Variants in PDCD4 observed in about 807,000 individuals in gnomAD.
PDCD4 encodes programmed cell death 4.
PDCD4 carries 56 observed loss-of-function variants against 54.0 expected under a neutral mutation model. That is an observed-to-expected ratio of 1.04 (90% CI 0.84 to 1.30). PDCD4 has a LOEUF of 1.30. Among genes scored for constraint, PDCD4 ranks in the 50% most tolerant of loss-of-function variants. The probability of loss-of-function intolerance (pLI) is 0.00; values close to 1 mark genes in which losing one functional copy is unlikely to be tolerated. For missense variants in PDCD4, 584 were observed against 559.8 expected, an observed-to-expected ratio of 1.04 and a Z score of -0.44; for synonymous variants, 186 against 194.8, an observed-to-expected ratio of 0.95 and a Z score of 0.37.
chr10:110,883,066 A>G lies in PDCD4; in HGVS notation c.410A>G (p.Asp137Gly). The G allele has an allele frequency of 1.3e-6, 2 of 1,596,110 alleles. No homozygotes were observed. Among genetic ancestry groups the G allele is most frequent in the Non-Finnish European group, 1.7e-6 (2 of 1,172,860 alleles). ...CAGGTGTATGATGTGGAGGAGGTGG[A>G]TGTGAAAGATCCTAACTATGATGAT... ...PGQVYDVEEVDVKDPNYDDDQ... is the reference protein window; with the variant it reads ...PGQVYDVEEVGVKDPNYDDDQ... The change falls in exon 4 of 12, where the codon GAT becomes GGT. Residue 137 changes from aspartate (D) to glycine (G), a missense_variant. Coordinates refer to ENST00000280154, the MANE Select transcript of PDCD4 (RefSeq NM_014456.5).
In PDCD4 at chr10:110,879,526, G is replaced by C. The variant is rs897239850; in HGVS notation, c.44-1707G>C. ...AAAAACACAAAAAAATTAGCCAGGC[G>C]TAGTGGCAGGCATCTGTAGTCCCAG... is the stretch of plus-strand genomic sequence containing the variant. On this transcript the variant is annotated intron_variant, in intron 2 of 11. Transcript: ENST00000280154. Among the ~76,000 whole-genome samples the C allele has an allele frequency of 4.6e-5, 7 of 152,190 alleles. No individual in the cohort carries two copies. The South Asian group carries it at 6.2e-4, about 14-fold the overall frequency.
chr10:110,891,473 T>TG (rs1845755695), intron 8 of PDCD4, among the ~76,000 whole-genome samples: 1 of 151,350 alleles, frequency 6.6e-6, no homozygotes. Flanking sequence ...ATGGATTTTT[T>TG]TTTTTTCTGG....
At chr10:110,885,188 C>A in intron 4 of PDCD4, 65 bp from the exon 5 acceptor site, 1 of 750,088 alleles carries the variant, frequency 1.3e-6, no homozygotes. Flanking sequence ...TAAAATTGTA[C>A]AACAATTTCA....
chr10:110,873,504 T>C (rs920216685), intron 1 of PDCD4, among the ~76,000 whole-genome samples: 2 of 152,240 alleles, frequency 1.3e-5, no homozygotes, highest in East Asian at 1.9e-4. Context: ...TGAATACTTC[T>C]GATTGTATAT....
intron 11 of PDCD4, among the ~76,000 whole-genome samples, chr10:110,897,043 CTTATTA>C (rs1165950636): frequency 6.6e-6 from 1 of 152,204 alleles, no homozygotes; most frequent in Non-Finnish European, 1.5e-5. Context: ...CTTTGGCCTT[CTTATTA>C]TTGACTGCTT....
chr10:110,882,950 C>A, intron 3 of PDCD4, 53 bp from the exon 4 acceptor site: 1 of 1,080,130 alleles, frequency 9.3e-7, no homozygotes, highest in South Asian at 1.3e-5. Flanking sequence ...TTTTAGATTT[C>A]AACAAATTGA....
At position 110,875,653 on chromosome 10, in the gene PDCD4, G is replaced by T. The variant is rs141772067; in HGVS notation, c.-62-313G>T. 4.7e-3 allele frequency among the ~76,000 whole-genome samples: 709 copies of T among 152,186 alleles called. 2 individuals are homozygous for T. Among genetic ancestry groups the T allele is most frequent in the Non-Finnish European group, 5.8e-3 (395 of 67,974 alleles). ...TGGTATTCCTAAAAGATTTGGATGT[G>T]TGTATTTCTTTAACTTGACGTAAAC... On this transcript the variant is annotated intron_variant, in intron 1 of 11. Coordinates refer to ENST00000280154, the MANE Select transcript of PDCD4 (RefSeq NM_014456.5).
In PDCD4 at chr10:110,876,072, T is replaced by G; in HGVS notation, c.43+2T>G. 6.2e-7 allele frequency: 1 copy of G among 1,604,168 alleles called. No individual in the cohort carries two copies. Among genetic ancestry groups the G allele is most frequent in the Non-Finnish European group, 8.5e-7 (1 of 1,174,374 alleles). On this transcript the variant is annotated splice_donor_variant, in intron 2 of 11. Transcript: ENST00000280154. LOFTEE classifies it high-confidence loss of function. ...AGATACTGAATGTAAACCCTGCAGG[T>G]AAGTAAGGATATCCTTTTTTCTTTT... is the stretch of plus-strand genomic sequence containing the variant.
In PDCD4 at chr10:110,898,155, C is replaced by G. The variant is rs751537495; in HGVS notation, c.*67C>G. The G allele has an allele frequency of 2.2e-6, 1 of 459,780 alleles. No individual in the cohort carries two copies. Among genetic ancestry groups the G allele is most frequent in the Non-Finnish European group, 3.2e-6 (1 of 314,492 alleles). 28.5% of individuals were successfully genotyped at this position (459,780 alleles called of 1,614,324 possible). On this transcript the variant is annotated 3_prime_UTR_variant, in exon 12 of 12. Transcript: ENST00000280154. Reference sequence around the variant, plus strand: ...ATCTGAATTGTAAGAGTTGTTAGCACAAGTTTTTTTTTTTTTTTTTTTTAA... The same window carrying G: ...ATCTGAATTGTAAGAGTTGTTAGCAGAAGTTTTTTTTTTTTTTTTTTTTAA...
intron 8 of PDCD4, among the ~76,000 whole-genome samples, chr10:110,891,406 CAAAAAAAAA>C (rs376743141): frequency 7.3e-5 from 5 of 68,706 alleles, no homozygotes; most frequent in Non-Finnish European, 1.2e-4. Flanking sequence ...GACTCTGTCT[CAAAAAAAAA>C]AAAAAAAAAA....
At chr10:110,876,735 G>C (rs2135189438) in intron 2 of PDCD4, 1 of 1,314,780 alleles carries the variant, frequency 7.6e-7, no homozygotes, top group Non-Finnish European at 1.0e-6. Flanking sequence ...GAACAGTTTT[G>C]TGGAATAGAT....
At chr10:110,874,847 A>G (rs1031367310) in intron 1 of PDCD4, among the ~76,000 whole-genome samples, 33 of 152,142 alleles carry the variant, frequency 2.2e-4, no homozygotes, top group African/African-American at 7.0e-4. Flanking sequence ...CTCTGTATAT[A>G]TCATTGTTAT....
At chr10:110,884,906 G>A (rs1013368823) in intron 4 of PDCD4, 1 of 160,940 alleles carries the variant, frequency 6.2e-6, no homozygotes. Context: ...AGATCCTTCT[G>A]CCTCAGCTTC....
At chr10:110,876,352 A>G (rs1306218014) in intron 2 of PDCD4, among the ~76,000 whole-genome samples, 2 of 152,214 alleles carry the variant, frequency 1.3e-5, no homozygotes, top group Admixed American at 1.3e-4. Flanking sequence ...GCTTCAGACC[A>G]TTCCATATTT....
intron 8 of PDCD4, among the ~76,000 whole-genome samples, 180 bp from the exon 9 acceptor site, chr10:110,893,911 G>A (rs544637142): frequency 4.6e-5 from 7 of 151,908 alleles, no homozygotes; most frequent in Non-Finnish European, 1.0e-4. Flanking sequence ...TAAAAATTGG[G>A]GATTTATTTT....
chr10:110,898,224 T>C lies in PDCD4; in HGVS notation c.*136T>C, dbSNP rs1845879094. On this transcript the variant is annotated 3_prime_UTR_variant, in exon 12 of 12. Transcript: ENST00000280154. Reference sequence around the variant, plus strand: ...AGGCATTTCTGACATTTTATAAACCTACATTTAAGGGGAATTTTTAAAGGA... The same window carrying C: ...AGGCATTTCTGACATTTTATAAACCCACATTTAAGGGGAATTTTTAAAGGA... The C allele has an allele frequency of 9.1e-6, 4 of 439,544 alleles. No individual in the cohort carries two copies. The South Asian group carries it at 2.9e-4, about 32-fold the overall frequency. 27.2% of individuals were successfully genotyped at this position (439,544 alleles called of 1,614,324 possible).
intron 4 of PDCD4, among the ~76,000 whole-genome samples, chr10:110,884,027 T>C (rs1265724639): frequency 6.6e-6 from 1 of 152,230 alleles, no homozygotes; most frequent in Non-Finnish European, 1.5e-5. Context: ...GTGGTTTCAC[T>C]TTCCGCAGTT....
Position 110,898,082 on chromosome 10 carries a change from C to G in PDCD4, c.1404C>G (p.Ser468Arg). Reference protein sequence around the residue: ...EGDGGRLKPESY With the variant: ...EGDGGRLKPERY ...ATGGAGGTCGTCTTAAACCAGAGAG[C>G]TACTGAATATAAGAACTCTTGCAGT... Residue 468 changes from serine (S) to arginine (R), a missense_variant, in exon 12 of 12, where the codon AGC becomes AGG. By Grantham distance (110) the Ser-to-Arg change is moderately radical. Coordinates refer to ENST00000280154, the MANE Select transcript of PDCD4 (RefSeq NM_014456.5). 6.4e-7 allele frequency: 1 copy of G among 1,568,854 alleles called. No individual in the cohort carries two copies.
intron 11 of PDCD4, 97 bp from the exon 12 acceptor site, chr10:110,897,931 C>T (rs1023996495): frequency 5.5e-5 from 40 of 723,172 alleles, no homozygotes; most frequent in Non-Finnish European, 7.9e-5. Flanking sequence ...TAAAAGCTAA[C>T]ACGTAACGAA....
Sources: gnomAD v4.1 joint callset for allele counts (sites outside exome capture counted in the v4.1 genomes callset) on GRCh38, gnomAD v4.1.1 for gene constraint, MANE v1.5 for transcripts, NCBI Gene and HGNC (gene_info 2026-07-23, HGNC 2026-07-21) for gene names.